SCFD2: variants seen among roughly 807,000 people sequenced by gnomAD.
The protein encoded by SCFD2 is sec1 family domain-containing protein 2.
Under a neutral mutation model 58.9 loss-of-function variants are expected in SCFD2, and 54 were observed. The observed-to-expected ratio is 0.92, with a 90% CI of 0.74 to 1.15. SCFD2 has a LOEUF of 1.15. Ranked by LOEUF, SCFD2 falls within the 50% of genes most tolerant of loss-of-function variation. The pLI is 0.00. For synonymous variants in SCFD2, 321 were observed against 335.9 expected, an observed-to-expected ratio of 0.96 and a Z score of 0.49; for missense variants, 805 against 836.6, an observed-to-expected ratio of 0.96 and a Z score of 0.47.
Position 53,118,267 on chromosome 4 carries a change from G to A in SCFD2, c.1561+27066C>T, listed in dbSNP as rs533676280. 3.1e-3 allele frequency among the ~76,000 whole-genome samples: 469 copies of A among 152,258 alleles called. 1 individual carries two copies. The highest frequency in any genetic ancestry group is 0.01 in the African/African-American group (435 of 41,538). ...CCCATTCCTGCCTGGCACATAGTAG[G>A]TGCTCAGTAAATAAGGGACAACTGA... On this transcript the variant is annotated intron_variant, in intron 5 of 8. Transcript: ENST00000401642.
At chr4:53,165,541 A>G (rs189667487) in intron 4 of SCFD2, among the ~76,000 whole-genome samples, 24 of 152,006 alleles carry the variant, frequency 1.6e-4, no homozygotes, top group Admixed American at 9.2e-4. Flanking sequence ...CTTTTATCCA[A>G]TACCACTCCT....
Position 53,117,853 on chromosome 4 carries a change from G to A in SCFD2, c.1561+27480C>T, listed in dbSNP as rs78418083. Among the ~76,000 whole-genome samples, 48 of 152,262 alleles carry A rather than the reference G, an allele frequency of 3.2e-4. 1 individual carries two copies. The East Asian group carries it at 8.7e-3, about 28-fold the overall frequency. ...GGGCTTCTTTAAAAAGCAAGAAAAC[G>A]GTAATCAGCTAGATTCATTTTTCCA... is the stretch of plus-strand genomic sequence containing the variant. On this transcript the variant is annotated intron_variant, in intron 5 of 8. Transcript: ENST00000401642.
intron 4 of SCFD2, among the ~76,000 whole-genome samples, chr4:53,150,421 G>A (rs565813846): frequency 6.6e-6 from 1 of 152,228 alleles, no homozygotes; most frequent in Non-Finnish European, 1.5e-5. Context: ...AGGTAAACTA[G>A]ACTAGACCCT....
intron 5 of SCFD2, among the ~76,000 whole-genome samples, chr4:53,077,212 C>A (rs771181551): frequency 1.3e-5 from 2 of 152,072 alleles, no homozygotes; most frequent in Admixed American, 6.5e-5. Context: ...ATTTGATCAG[C>A]GCATTCAAAA....
At chr4:52,991,721 A>G (rs1721616189) in intron 5 of SCFD2, among the ~76,000 whole-genome samples, 1 of 152,080 alleles carries the variant, frequency 6.6e-6, no homozygotes, top group Admixed American at 6.5e-5. Context: ...GGCTAAGAAG[A>G]GTATTGGTTC....
intron 5 of SCFD2, among the ~76,000 whole-genome samples, chr4:52,924,771 G>A (rs905043813): frequency 1.7e-4 from 26 of 152,180 alleles, no homozygotes; most frequent in African/African-American, 5.1e-4. Context: ...GATAAATGAC[G>A]TATGCAAGAT....
intron 5 of SCFD2, among the ~76,000 whole-genome samples, chr4:53,009,667 C>A (rs1352673737): frequency 2.6e-5 from 4 of 152,206 alleles, no homozygotes; most frequent in Non-Finnish European, 1.5e-5. Context: ...TATAGACACA[C>A]ATAGTCTCAA....
intron 5 of SCFD2, among the ~76,000 whole-genome samples, chr4:53,125,997 C>T (rs536966238): frequency 2.0e-5 from 3 of 152,174 alleles, no homozygotes; most frequent in Non-Finnish European, 1.5e-5. Context: ...TACCAACAGG[C>T]ACTTCTCCCA....
chr4:52,950,588 G>A (rs1720565006), intron 5 of SCFD2: 1 of 152,256 alleles, frequency 6.6e-6, no homozygotes, highest in Non-Finnish European at 1.5e-5. Flanking sequence ...AGGTCATAGA[G>A]TTTTCCATGG....
intron 5 of SCFD2, among the ~76,000 whole-genome samples, chr4:52,984,940 G>A (rs2109572873): frequency 6.6e-6 from 1 of 152,250 alleles, no homozygotes. Flanking sequence ...AAGTGTGAAT[G>A]AACTATCAAA....
At chr4:53,200,118 G>A (rs1339409384) in intron 4 of SCFD2, among the ~76,000 whole-genome samples, 3 of 152,052 alleles carry the variant, frequency 2.0e-5, no homozygotes, top group Admixed American at 6.6e-5. Flanking sequence ...TCACATTGGA[G>A]GTTAGGACTT....
At chr4:52,955,501 G>C (rs930922683) in intron 5 of SCFD2, among the ~76,000 whole-genome samples, 1 of 152,196 alleles carries the variant, frequency 6.6e-6, no homozygotes, top group African/African-American at 2.4e-5. Context: ...TATAAAATAG[G>C]TGCTGTGCCT....
chr4:53,339,544 CAGA>C (rs1290442529), intron 2 of SCFD2, among the ~76,000 whole-genome samples: 16 of 152,010 alleles, frequency 1.1e-4, no homozygotes, highest in African/African-American at 3.9e-4. Context: ...CCGAGGCGGG[CAGA>C]TCACCTGAGG....
At chr4:53,187,858 A>G (rs772829861) in intron 4 of SCFD2, among the ~76,000 whole-genome samples, 4 of 152,170 alleles carry the variant, frequency 2.6e-5, no homozygotes, top group Admixed American at 6.6e-5. Context: ...TATGATAAAC[A>G]TATCTTCATA....
chr4:53,116,198 T>C (rs1171131682), intron 5 of SCFD2, among the ~76,000 whole-genome samples: 1 of 152,140 alleles, frequency 6.6e-6, no homozygotes, highest in Non-Finnish European at 1.5e-5. Context: ...TTAGTCAGGA[T>C]AGAAAGGATT....
intron 4 of SCFD2, among the ~76,000 whole-genome samples, chr4:53,191,212 T>C (rs1246023091): frequency 2.6e-5 from 4 of 151,924 alleles, no homozygotes; most frequent in Non-Finnish European, 2.9e-5. Flanking sequence ...TAGCTGGGCC[T>C]GGTGGCAGGT....
At chr4:53,016,393 T>A (rs967187309) in intron 5 of SCFD2, among the ~76,000 whole-genome samples, 1 of 152,200 alleles carries the variant, frequency 6.6e-6, no homozygotes, top group Non-Finnish European at 1.5e-5. Context: ...TTAACACTCC[T>A]GGATTGTACA....
At chr4:53,268,154 C>T (rs926645550) in intron 4 of SCFD2, among the ~76,000 whole-genome samples, 1 of 151,990 alleles carries the variant, frequency 6.6e-6, no homozygotes, top group Non-Finnish European at 1.5e-5. Flanking sequence ...GAGACAATGG[C>T]AGTCCAGAGC....
At chr4:52,888,584 C>T (rs1474387401) in intron 7 of SCFD2, among the ~76,000 whole-genome samples, 1 of 152,198 alleles carries the variant, frequency 6.6e-6, no homozygotes, top group Non-Finnish European at 1.5e-5. Context: ...CCTTTGTCAT[C>T]ATCTAACCTG....
Sources: gnomAD v4.1 joint callset for allele counts (sites outside exome capture counted in the v4.1 genomes callset) on GRCh38, gnomAD v4.1.1 for gene constraint, MANE v1.5 for transcripts, NCBI Gene and HGNC (gene_info 2026-07-23, HGNC 2026-07-21) for gene names.